Variants in REPS2 observed in about 807,000 individuals in gnomAD.
REPS2 encodes the protein ralBP1-associated Eps domain-containing protein 2.
In REPS2, 23 loss-of-function variants were observed where a neutral mutation model predicts 53.6. The ratio of observed to expected loss-of-function variants is 0.43; its 90% confidence interval spans 0.31 to 0.61. REPS2 has a LOEUF of 0.61. Ranked by LOEUF, REPS2 falls within the 20% of genes least tolerant of loss-of-function variation. The pLI, the probability that REPS2 is intolerant of heterozygous loss-of-function variation, is 0.11. For synonymous variants in REPS2, 238 were observed against 218.6 expected, an observed-to-expected ratio of 1.09 and a Z score of -0.78; for missense variants, 446 against 534.9, an observed-to-expected ratio of 0.83 and a Z score of 1.64.
intron 2 of REPS2, among the ~76,000 whole-genome samples, chrX:17,007,460 C>T (rs1474709512): frequency 8.9e-6 from 1 of 112,145 alleles, no homozygotes; most frequent in Non-Finnish European, 1.9e-5. Context: ...GACAGAGGTT[C>T]GTTTTCCACT....
intron 1 of REPS2, among the ~76,000 whole-genome samples, chrX:16,986,907 T>C (rs1024880432): frequency 5.7e-5 from 6 of 104,731 alleles, no homozygotes; most frequent in African/African-American, 1.7e-4. Flanking sequence ...AGTACCCTTA[T>C]AGATTTTTTT....
chrX:17,196,076 A>G, the REPS2 span, among the ~76,000 whole-genome samples: 6 of 111,893 alleles, frequency 5.4e-5, no homozygotes, highest in African/African-American at 1.9e-4. Flanking sequence ...GAGAAGGAGA[A>G]GAAGAAGAAA....
At chrX:17,126,117 A>G (rs1043470963) in intron 14 of REPS2, among the ~76,000 whole-genome samples, 1 of 112,314 alleles carries the variant, frequency 8.9e-6, no homozygotes, top group Non-Finnish European at 1.9e-5. Flanking sequence ...AACTATTTTT[A>G]TTGTGTTTTT....
At chrX:17,050,192 T>C (rs1222400081) in intron 6 of REPS2, among the ~76,000 whole-genome samples, 2 of 68,818 alleles carry the variant, frequency 2.9e-5, no homozygotes, top group African/African-American at 1.4e-4. Flanking sequence ...CTTTCTTTCT[T>C]TCTTTTTTTT....
chrX:16,947,925 T>TA (rs1353513466), intron 1 of REPS2, among the ~76,000 whole-genome samples: 13 of 112,113 alleles, frequency 1.2e-4, no homozygotes, highest in African/African-American at 4.2e-4. Context: ...GGATGATACA[T>TA]ACCAGACGCT....
intron 13 of REPS2, among the ~76,000 whole-genome samples, chrX:17,094,164 C>A (rs930374845): frequency 3.4e-4 from 38 of 111,952 alleles, no homozygotes; most frequent in Non-Finnish European, 5.8e-4. Flanking sequence ...CAATTTGAGA[C>A]CCTGAATGTC....
intron 2 of REPS2, among the ~76,000 whole-genome samples, chrX:17,014,796 T>C (rs1479933957): frequency 2.7e-5 from 3 of 112,650 alleles, no homozygotes; most frequent in African/African-American, 9.7e-5. Flanking sequence ...TCTTGCTCTC[T>C]CTTTCCTGGG....
At chrX:17,092,104 G>A (rs2062623807) in intron 13 of REPS2, among the ~76,000 whole-genome samples, 1 of 111,492 alleles carries the variant, frequency 9.0e-6, no homozygotes, top group South Asian at 3.8e-4. Context: ...TCCAAGTTTT[G>A]TTCCCCCTGA....
intron 1 of REPS2, among the ~76,000 whole-genome samples, chrX:16,949,903 T>C (rs775069236): frequency 3.2e-4 from 35 of 110,845 alleles, no homozygotes; most frequent in African/African-American, 1.1e-3. Flanking sequence ...CCAAAGTCTA[T>C]ATATTAGGGC....
intron 16 of REPS2, chrX:17,136,429 A>G (rs1404908229): frequency 1.8e-5 from 2 of 109,913 alleles, no homozygotes; most frequent in Non-Finnish European, 3.8e-5. Flanking sequence ...ACCATCTTCC[A>G]GCCCCTGTTA....
rs1041285954 is a variant in REPS2, at chrX:17,152,150, G to A, written c.*4669G>A. The A allele has an allele frequency of 8.9e-6, 1 of 111,913 alleles. No homozygotes were observed. Among genetic ancestry groups the A allele is most frequent in the South Asian group, 3.8e-4 (1 of 2,663 alleles). The allele number at this position is 111,913 out of a possible 1,213,427, so 9.2% of individuals were successfully genotyped here. A position where few individuals can be genotyped will look rare whatever the true frequency, so the allele number is the denominator to read the frequency against. On this transcript the variant is annotated 3_prime_UTR_variant, in exon 18 of 18. Coordinates refer to ENST00000357277, the MANE Select transcript of REPS2 (RefSeq NM_004726.3). The stretch of plus-strand genomic sequence containing the variant: ...TGGAGGGCCAGACTTTAAAAGCAAC[G>A]CAAGCAGATTCGAAGAGCTGTTGCC...
At chrX:17,193,743 CT>C in the REPS2 span, among the ~76,000 whole-genome samples, 3 of 111,431 alleles carry the variant, frequency 2.7e-5, no homozygotes, top group East Asian at 8.4e-4. Context: ...CCCTGATACA[CT>C]TGCCAATTAG....
the REPS2 span, among the ~76,000 whole-genome samples, chrX:17,182,548 A>C: frequency 8.9e-6 from 1 of 112,288 alleles, no homozygotes; most frequent in African/African-American, 3.2e-5. Flanking sequence ...CCAAGGGGAC[A>C]GTGAGCATGA....
intron 1 of REPS2, among the ~76,000 whole-genome samples, chrX:16,968,492 C>T (rs1324196638): frequency 2.3e-4 from 25 of 107,243 alleles, no homozygotes; most frequent in Admixed American, 4.8e-4. Context: ...ACCTCCCTCC[C>T]GGACGGGGCG....
the REPS2 span, among the ~76,000 whole-genome samples, chrX:17,185,292 T>A: frequency 2.7e-5 from 3 of 111,439 alleles, no homozygotes; most frequent in Non-Finnish European, 5.6e-5. Flanking sequence ...GATTTTGGGC[T>A]TCTTGAACTC....
chrX:17,099,629 T>C (rs1006378385), intron 13 of REPS2, among the ~76,000 whole-genome samples: 3 of 111,364 alleles, frequency 2.7e-5, no homozygotes, highest in African/African-American at 9.8e-5. Flanking sequence ...TTTAAAACAC[T>C]TGGGCTGCTG....
intron 1 of REPS2, among the ~76,000 whole-genome samples, chrX:16,989,782 A>G (rs1210905976): frequency 8.9e-6 from 1 of 112,428 alleles, no homozygotes; most frequent in Non-Finnish European, 1.9e-5. Context: ...TAGTGACAGC[A>G]TCAAATGATG....
At chrX:17,173,004 T>C in the REPS2 span, among the ~76,000 whole-genome samples, 6 of 110,419 alleles carry the variant, frequency 5.4e-5, no homozygotes, top group African/African-American at 2.0e-4. Flanking sequence ...TGTGTGTGTG[T>C]GCATCATAGT....
chrX:17,098,175 A>T (rs1446740471), intron 13 of REPS2, among the ~76,000 whole-genome samples: 1 of 111,452 alleles, frequency 9.0e-6, no homozygotes, highest in Non-Finnish European at 1.9e-5. Context: ...GATATAAAAA[A>T]CTTACCAAGT....
Sources: allele counts gnomAD v4.1 joint callset (sites outside exome capture counted in the v4.1 genomes callset), GRCh38; gene constraint gnomAD v4.1.1; transcripts MANE v1.5; gene names NCBI Gene and HGNC (gene_info 2026-07-23, HGNC 2026-07-21).